The following ACLY variants were observed in gnomAD, a reference collection of about 807,000 sequenced individuals.
ACLY encodes the protein ATP citrate lyase.
A neutral mutation model predicts 133.0 loss-of-function variants in ACLY; 41 were observed. The ratio of observed to expected loss-of-function variants is 0.31; its 90% CI spans 0.24 to 0.40. The LOEUF is 0.40. Ranked by LOEUF, ACLY falls within the 10% of genes least tolerant of loss-of-function variation. The probability of loss-of-function intolerance (pLI) is 1.00; values close to 1 mark genes in which losing one functional copy is unlikely to be tolerated. For synonymous variants in ACLY, 495 were observed against 549.3 expected (o/e 0.90, Z 1.38); for missense variants, 1,046 against 1,453.8 (o/e 0.72, Z 4.56).
intron 14 of ACLY, among the ~76,000 whole-genome samples, chr17:41,894,594 AT>A (rs1399581803): frequency 1.3e-5 from 2 of 151,796 alleles, no homozygotes; most frequent in Non-Finnish European, 2.9e-5. Flanking sequence ...CCATGATGCG[AT>A]TATTACGCAT....
intron 1 of ACLY, among the ~76,000 whole-genome samples, chr17:41,925,028 T>TTTA (rs149814936): frequency 0.68 from 101,554 of 149,372 alleles, 35,919 homozygotes; most frequent in Admixed American, 0.82. Flanking sequence ...TCTGAATGAG[T>TTTA]TTATTATTAT....
chr17:41,912,404 C>T lies in ACLY; in HGVS notation c.282+16G>A, dbSNP rs1218296672. On this transcript the variant is annotated intron_variant, in intron 3 of 28. Coordinates refer to ENST00000352035, the MANE Select transcript of ACLY (RefSeq NM_001096.3). ...CTGTTACCACACACGTTCATCCTGA[C>T]CCCATGCCCACTCACTGTGGCTTCC... 2.5e-6 allele frequency: 4 copies of T among 1,613,334 alleles called. No individual in the cohort carries two copies. Among genetic ancestry groups the T allele is most frequent in the Non-Finnish European group, 3.4e-6 (4 of 1,179,670 alleles).
chr17:41,918,800 G>A (rs2050125210), intron 1 of ACLY, 80 bp downstream of exon 1: 2 of 1,260,206 alleles, frequency 1.6e-6, no homozygotes, highest in African/African-American at 1.6e-5. Flanking sequence ...CGGGGAAGGC[G>A]GTTCCGGGTT....
At position 41,896,714 on chromosome 17, in the gene ACLY, G is replaced by A; in HGVS notation, c.1430-65C>T. The stretch of plus-strand genomic sequence containing the variant: ...GATGGCTGGAGGCTTTGGAGGGAGA[G>A]GGTGGGAACAGGGAAGGGTCCCATG... On this transcript the variant is annotated intron_variant, in intron 13 of 28. Coordinates refer to ENST00000352035, the MANE Select transcript of ACLY (RefSeq NM_001096.3). 3.4e-6 allele frequency: 5 copies of A among 1,455,022 alleles called. No individual in the cohort carries two copies. In the South Asian group the frequency reaches 7.0e-5, roughly 20 times the overall value. 90.1% of individuals were successfully genotyped at this position (1,455,022 alleles called of 1,614,324 possible). A position where few individuals can be genotyped will look rare whatever the true frequency, so the allele number is the denominator to read the frequency against.
intron 25 of ACLY, among the ~76,000 whole-genome samples, chr17:41,869,921 A>G (rs2048556754): frequency 6.6e-6 from 1 of 152,194 alleles, no homozygotes; most frequent in South Asian, 2.1e-4. Context: ...CTCCAACTCA[A>G]GAGTCTTAGG....
At chr17:41,897,602 T>C in intron 13 of ACLY, 147 bp downstream of exon 13, 2 of 693,438 alleles carry the variant, frequency 2.9e-6, no homozygotes, top group Non-Finnish European at 4.7e-6. Context: ...CATACCATCC[T>C]CGTGTCCCAG....
intron 18 of ACLY, among the ~76,000 whole-genome samples, chr17:41,885,376 G>C (rs1448463235): frequency 1.3e-5 from 2 of 152,166 alleles, no homozygotes; most frequent in African/African-American, 4.8e-5. Context: ...TAGAGCCAGG[G>C]AGACGAACAA....
At chr17:41,908,895 T>A (rs2049806655) in intron 6 of ACLY, 94 bp downstream of exon 6, 4 of 1,030,766 alleles carry the variant, frequency 3.9e-6, no homozygotes, top group Non-Finnish European at 6.0e-6. Flanking sequence ...TGTTACCCTC[T>A]GGCAAGTGGG....
intron 23 of ACLY, among the ~76,000 whole-genome samples, chr17:41,872,531 G>T (rs548236840): frequency 6.6e-6 from 1 of 152,240 alleles, no homozygotes. Context: ...TTGCTATGTT[G>T]GCCAGGCTAT....
chr17:41,869,412 C>T (rs1333247385), intron 26 of ACLY, 62 bp downstream of exon 26: 24 of 1,319,874 alleles, frequency 1.8e-5, no homozygotes, highest in East Asian at 2.3e-5. Context: ...TGTAACGTGG[C>T]TCCTGTTTCC....
intron 16 of ACLY, among the ~76,000 whole-genome samples, chr17:41,888,680 G>A (rs1418063736): frequency 6.6e-6 from 1 of 152,168 alleles, no homozygotes; most frequent in Non-Finnish European, 1.5e-5. Context: ...GAGCCCAAGA[G>A]TTCAAGGCCA....
intron 20 of ACLY, among the ~76,000 whole-genome samples, chr17:41,879,685 A>AAAAAAAAAAAG (rs1597981614): frequency 7.9e-6 from 1 of 127,248 alleles, no homozygotes; most frequent in Non-Finnish European, 1.7e-5. Flanking sequence ...AAAAAAAAAA[A>AAAAAAAAAAAG]AAGAAGTGCT....
chr17:41,906,610 C>T lies in ACLY; in HGVS notation c.784G>A (p.Ala262Thr). 4 of 1,614,208 alleles carry T rather than the reference C, an allele frequency of 2.5e-6. No individual in the cohort carries two copies. The highest frequency in any genetic ancestry group is 2.5e-6 in the Non-Finnish European group (3 of 1,180,028). The stretch of plus-strand genomic sequence containing the variant: ...TTCAGCAAGGTCAGCTTCAGGCTTG[C>T]CCCACTTTTGGCATCGAGGTCTGCA... ...YIADLDAKSG[A>T]SLKLTLLNPK... The change falls in exon 8 of 29, where the codon GCA becomes ACA. Residue 262 changes from alanine to threonine, a missense_variant. Ala to Thr is a moderately conservative substitution (Grantham distance 58, BLOSUM62 0). This residue lies in a region of ACLY where 575 missense variants were observed against 804.2 expected (regional missense o/e 0.71). Coordinates refer to ENST00000352035, the MANE Select transcript of ACLY (RefSeq NM_001096.3).
chr17:41,874,559 C>CTGCAT (rs1555625682), intron 22 of ACLY, among the ~76,000 whole-genome samples: 2 of 151,010 alleles, frequency 1.3e-5, no homozygotes, highest in South Asian at 2.1e-4. Flanking sequence ...AGGCGTGAGA[C>CTGCAT]CCAGTCCATT....
rs782304822 is a variant in ACLY, at chr17:41,868,759, A to G, written c.3161T>C (p.Ile1054Thr). ...CACAAAGATGCCATTGAGGGCTCCAATGTCAATATATTCATCAGCTTCCTC... is the reference window on the plus strand; with the variant it reads ...CACAAAGATGCCATTGAGGGCTCCAGTGTCAATATATTCATCAGCTTCCTC... ...TREEADEYID[I>T]GALNGIFVLG... Residue 1054 changes from isoleucine (I) to threonine (T), a missense_variant, in exon 28 of 29, where the codon ATT becomes ACT. Around this residue, in one of 4 missense-constraint regions of ACLY, gnomAD observed 205 missense variants for 373.3 expected, o/e 0.55. Transcript: ENST00000352035. 23 of 1,613,846 alleles carry G rather than the reference A, an allele frequency of 1.4e-5. No homozygotes were observed. Among genetic ancestry groups the G allele is most frequent in the Non-Finnish European group, 1.9e-5 (23 of 1,179,998 alleles).
chr17:41,890,238 T>C (rs1334134044), intron 16 of ACLY, among the ~76,000 whole-genome samples: 2 of 152,174 alleles, frequency 1.3e-5, no homozygotes, highest in African/African-American at 4.8e-5. Flanking sequence ...AGTCATGTTT[T>C]TCTGAAATGG....
At chr17:41,925,089 GAA>G (rs1257247439) in intron 1 of ACLY, among the ~76,000 whole-genome samples, 2 of 151,672 alleles carry the variant, frequency 1.3e-5, no homozygotes, top group Non-Finnish European at 2.9e-5. Context: ...AGGCTGGAGT[GAA>G]GTGGCGCGAT....
chr17:41,869,051 G>A lies in ACLY; in HGVS notation c.3126C>T (p.Ser1042=). The A allele has an allele frequency of 6.2e-7, 1 of 1,612,690 alleles. No homozygotes were observed. The highest frequency in any genetic ancestry group is 8.5e-7 in the Non-Finnish European group (1 of 1,179,190). ...AFVDMLRNCG[S]FTREEADEYI... ...ACAGCTACAATGCTCACCGAGTAAAGGACCCACAGTTTCTAAGCATGTCTA... is the reference window on the plus strand; with the variant it reads ...ACAGCTACAATGCTCACCGAGTAAAAGACCCACAGTTTCTAAGCATGTCTA... Residue 1042 remains serine (S), a synonymous_variant, in exon 27 of 29, where the codon TCC becomes TCT. Transcript: ENST00000352035.
intron 8 of ACLY, among the ~76,000 whole-genome samples, chr17:41,906,132 A>C (rs2049709648): frequency 6.6e-6 from 1 of 152,200 alleles, no homozygotes; most frequent in South Asian, 2.1e-4. Flanking sequence ...ATATGATCCT[A>C]ATATTCTATA....
Sources: allele counts gnomAD v4.1 joint callset (sites outside exome capture counted in the v4.1 genomes callset), GRCh38; gene constraint gnomAD v4.1.1; regional missense constraint gnomAD v4.1.1; transcripts MANE v1.5; gene names NCBI Gene and HGNC (gene_info 2026-07-23, HGNC 2026-07-21).